PARVA: variants seen among roughly 807,000 people sequenced by gnomAD.
The protein encoded by PARVA is alpha-parvin.
A neutral mutation model predicts 52.6 loss-of-function variants in PARVA; 25 were observed. The ratio of observed to expected loss-of-function variants is 0.48; its 90% CI spans 0.35 to 0.66. The LOEUF (loss-of-function observed/expected upper bound fraction) is 0.66. Among genes scored for constraint, PARVA ranks in the 30% least tolerant of loss-of-function variants. The pLI is 0.01. For synonymous variants in PARVA, 185 were observed against 179.1 expected (o/e 1.03, Z -0.26); for missense variants, 373 against 450.9 (o/e 0.83, Z 1.56).
At chr11:12,480,873 A>AT (rs1941077527) in intron 4 of PARVA, 2 of 149,594 alleles carry the variant, frequency 1.3e-5, no homozygotes, top group African/African-American at 4.9e-5. Flanking sequence ...GGAAGCAGAG[A>AT]TTTTGGGGAA....
At chr11:12,422,723 T>G (rs1940169019) in intron 1 of PARVA, among the ~76,000 whole-genome samples, 1 of 152,218 alleles carries the variant, frequency 6.6e-6, no homozygotes, top group Non-Finnish European at 1.5e-5. Flanking sequence ...AAATGAAGTC[T>G]CATTACTGAT....
In PARVA at chr11:12,529,510, C is replaced by T. The variant is rs1941745820; in HGVS notation, c.*1585C>T. 1 of 152,088 alleles carries T rather than the reference C, an allele frequency of 6.6e-6. No homozygotes were observed. The highest frequency in any genetic ancestry group is 6.6e-5 in the Admixed American group (1 of 15,262). 9.4% of individuals were successfully genotyped at this position (152,088 alleles called of 1,614,324 possible). ...CGTTATGGAATGTTCCTAAATATGC[C>T]AGGTAGACACCAGCCCAAGTACCCT... On this transcript the variant is annotated 3_prime_UTR_variant, in exon 13 of 13. Transcript: ENST00000334956.
chr11:12,377,819 A>AGCCGGGGGTGCCGTAGGG (rs1270780379), intron 1 of PARVA, 36 bp downstream of exon 1: 4 of 1,453,208 alleles, frequency 2.8e-6, no homozygotes, highest in East Asian at 6.3e-5. Flanking sequence ...GGGCGGTAGG[A>AGCCGGGGGTGCCGTAGGG]GCCGGGGGTG....
chr11:12,433,978 G>A (rs562160093), intron 1 of PARVA, among the ~76,000 whole-genome samples: 1 of 152,232 alleles, frequency 6.6e-6, no homozygotes, highest in Admixed American at 6.5e-5. Flanking sequence ...TCTCCAACAC[G>A]CCTGATCCCA....
At chr11:12,440,343 G>A (rs1176171782) in intron 1 of PARVA, among the ~76,000 whole-genome samples, 2 of 152,134 alleles carry the variant, frequency 1.3e-5, no homozygotes, top group African/African-American at 2.4e-5. Context: ...GAGAAGCTAA[G>A]GGGGAGAGTC....
intron 4 of PARVA, among the ~76,000 whole-genome samples, chr11:12,486,967 A>C (rs1941168723): frequency 6.6e-6 from 1 of 152,224 alleles, no homozygotes; most frequent in Non-Finnish European, 1.5e-5. Context: ...AAAACAACAC[A>C]GTCAGAAATG....
intron 1 of PARVA, among the ~76,000 whole-genome samples, chr11:12,402,501 T>C (rs1939843970): frequency 1.3e-5 from 2 of 152,258 alleles, no homozygotes; most frequent in Admixed American, 1.3e-4. Flanking sequence ...CAAGAAGTTC[T>C]ATAGGATTGC....
intron 8 of PARVA, among the ~76,000 whole-genome samples, chr11:12,512,449 G>A (rs1476799548): frequency 6.6e-6 from 1 of 152,116 alleles, no homozygotes; most frequent in African/African-American, 2.4e-5. Context: ...TCAGGGCCTC[G>A]CACCCTCCCA....
chr11:12,517,884 C>T (rs928429575), intron 11 of PARVA, among the ~76,000 whole-genome samples, 173 bp downstream of exon 11: 4 of 152,210 alleles, frequency 2.6e-5, no homozygotes, highest in South Asian at 2.1e-4. Flanking sequence ...GAGCTACCTG[C>T]AGACCACTGG....
intron 1 of PARVA, among the ~76,000 whole-genome samples, chr11:12,400,644 G>A (rs1177272532): frequency 6.6e-6 from 1 of 152,052 alleles, no homozygotes; most frequent in Non-Finnish European, 1.5e-5. Context: ...TATTTCTTCA[G>A]CCTTATTAAA....
rs191742716 is a variant in PARVA, at chr11:12,477,811, C to T, written c.298-36C>T. On this transcript the variant is annotated intron_variant, in intron 3 of 12. Transcript: ENST00000334956. ...TAAGAAAATACCCCATAACTCTTTT[C>T]TTACTATTGCACATTCCCTTTCTCT... 75 of 1,098,050 alleles carry T rather than the reference C, an allele frequency of 6.8e-5. No homozygotes were observed. In the African/African-American group the frequency reaches 1.1e-3, roughly 15 times the overall value. 68.0% of individuals were successfully genotyped at this position (1,098,050 alleles called of 1,614,324 possible).
At chr11:12,519,707 G>A (rs1292205061) in intron 12 of PARVA, among the ~76,000 whole-genome samples, 2 of 152,224 alleles carry the variant, frequency 1.3e-5, no homozygotes, top group Non-Finnish European at 2.9e-5. Context: ...GGAAGAATGG[G>A]GACCCTGTCT....
At chr11:12,523,695 C>T (rs1941666541) in intron 12 of PARVA, among the ~76,000 whole-genome samples, 1 of 152,130 alleles carries the variant, frequency 6.6e-6, no homozygotes, top group Non-Finnish European at 1.5e-5. Flanking sequence ...TCTTCCTTGG[C>T]CCCAGGCTGT....
At chr11:12,400,790 G>T (rs1434611830) in intron 1 of PARVA, among the ~76,000 whole-genome samples, 2 of 152,146 alleles carry the variant, frequency 1.3e-5, no homozygotes, top group Non-Finnish European at 2.9e-5. Context: ...TAATTATAGG[G>T]AAAGCAAGAA....
chr11:12,463,011 T>C (rs1014371437), intron 1 of PARVA, among the ~76,000 whole-genome samples: 1 of 151,976 alleles, frequency 6.6e-6, no homozygotes, highest in Non-Finnish European at 1.5e-5. Flanking sequence ...ATCTTGGATT[T>C]CCACCCCCAA....
intron 1 of PARVA, among the ~76,000 whole-genome samples, chr11:12,408,300 T>C (rs970024173): frequency 1.3e-5 from 2 of 152,206 alleles, no homozygotes; most frequent in Non-Finnish European, 2.9e-5. Context: ...TTTTCCCAAA[T>C]TGATTGTGCA....
intron 7 of PARVA, among the ~76,000 whole-genome samples, chr11:12,510,120 A>G (rs576405338): frequency 6.6e-6 from 1 of 152,268 alleles, no homozygotes; most frequent in East Asian, 1.9e-4. Flanking sequence ...ACACTTTCCT[A>G]TCTATTGATA....
At chr11:12,409,112 T>C (rs1001352118) in intron 1 of PARVA, among the ~76,000 whole-genome samples, 2 of 152,232 alleles carry the variant, frequency 1.3e-5, no homozygotes, top group Non-Finnish European at 2.9e-5. Flanking sequence ...TAAGGACATA[T>C]GGAAAGTCAT....
chr11:12,407,791 TGACAG>T (rs1939934747), intron 1 of PARVA, among the ~76,000 whole-genome samples: 1 of 152,210 alleles, frequency 6.6e-6, no homozygotes, highest in Admixed American at 6.5e-5. Context: ...GACAGAGCCC[TGACAG>T]GTGGCTTTGA....
Sources: allele counts gnomAD v4.1 joint callset (sites outside exome capture counted in the v4.1 genomes callset), GRCh38; gene constraint gnomAD v4.1.1; transcripts MANE v1.5; gene names NCBI Gene and HGNC (gene_info 2026-07-23, HGNC 2026-07-21).